Variants in PRKCE observed in about 807,000 individuals in gnomAD.
PRKCE encodes the protein protein kinase C epsilon.
Under a neutral mutation model 85.4 loss-of-function variants are expected in PRKCE, and 16 were observed. That is an observed-to-expected ratio of 0.19 (90% confidence interval 0.13 to 0.28). PRKCE has a LOEUF of 0.28. PRKCE is among the 10% of genes least tolerant of loss of function. The pLI, the probability that PRKCE is intolerant of heterozygous loss-of-function variation, is 1.00. For synonymous variants in PRKCE, 388 were observed against 371.5 expected, an observed-to-expected ratio of 1.04 and a Z score of -0.51; for missense variants, 573 against 975.2, an observed-to-expected ratio of 0.59 and a Z score of 5.49.
chr2:45,940,360 A>G (rs2595193), intron 2 of PRKCE, among the ~76,000 whole-genome samples: 24,754 of 152,190 alleles, frequency 0.16, 2,778 homozygotes, highest in East Asian at 0.57. Flanking sequence ...ATCTGTATTC[A>G]TTTTCTTACC....
intron 11 of PRKCE, among the ~76,000 whole-genome samples, chr2:46,116,962 A>G (rs1347960913): frequency 2.0e-5 from 3 of 152,242 alleles, no homozygotes; most frequent in African/African-American, 7.2e-5. Flanking sequence ...GGAAGCCAGC[A>G]GTCAAGAAAA....
At chr2:45,708,208 C>G (rs1017710240) in intron 1 of PRKCE, among the ~76,000 whole-genome samples, 1 of 152,202 alleles carries the variant, frequency 6.6e-6, no homozygotes, top group South Asian at 2.1e-4. Context: ...GGGCTCCAGT[C>G]CACAATCATC....
chr2:45,973,648 A>G (rs143267195), intron 2 of PRKCE, among the ~76,000 whole-genome samples: 876 of 152,318 alleles, frequency 5.8e-3, no homozygotes, highest in Non-Finnish European at 8.1e-3. Context: ...GCTTCCCTCC[A>G]GGTATCAGGG....
In PRKCE at chr2:45,934,373, G is replaced by T. The variant is rs977652129; in HGVS notation, c.413-42056G>T. Among the ~76,000 whole-genome samples the T allele has an allele frequency of 3.3e-5, 5 of 152,344 alleles. No individual in the cohort carries two copies. In the East Asian group the frequency reaches 9.6e-4, roughly 29 times the overall value. On this transcript the variant is annotated intron_variant, in intron 2 of 14. Coordinates refer to ENST00000306156, the MANE Select transcript of PRKCE (RefSeq NM_005400.3). ...TTCCTATAAAATTACTGTTGGCCAG[G>T]CATGGTCACTCATGCCTGTAATCCC... is the stretch of plus-strand genomic sequence containing the variant.
intron 10 of PRKCE, among the ~76,000 whole-genome samples, chr2:46,082,450 A>G (rs979110737): frequency 6.6e-6 from 1 of 152,174 alleles, no homozygotes; most frequent in African/African-American, 2.4e-5. Context: ...GAACTAGTTC[A>G]TTGGGGTAGA....
At chr2:45,969,438 G>A (rs547840621) in intron 2 of PRKCE, among the ~76,000 whole-genome samples, 9 of 152,300 alleles carry the variant, frequency 5.9e-5, no homozygotes, top group Admixed American at 3.9e-4. Flanking sequence ...GGCTGAGCAC[G>A]GCTGAGTGCA....
rs544622053 is a variant in PRKCE, at chr2:46,151,960, C to T, written c.1920+731C>T. Among the ~76,000 whole-genome samples, 19 of 152,356 alleles carry T rather than the reference C, an allele frequency of 1.2e-4. 1 individual carries two copies. In the Middle Eastern group the frequency reaches 0.02, roughly 164 times the overall value. ...AGGGAAGTTAAGCAAGCAGTCTGCC[C>T]AGGGTCACCCCTCTGAGCTAAGATA... On this transcript the variant is annotated intron_variant, in intron 13 of 14. Coordinates refer to ENST00000306156, the MANE Select transcript of PRKCE (RefSeq NM_005400.3).
intron 2 of PRKCE, among the ~76,000 whole-genome samples, chr2:45,880,964 T>G (rs950869095): frequency 6.6e-6 from 1 of 151,938 alleles, no homozygotes; most frequent in African/African-American, 2.4e-5. Flanking sequence ...CCATCCGGGC[T>G]AAAACGGTGA....
intron 1 of PRKCE, among the ~76,000 whole-genome samples, chr2:45,769,594 A>T (rs1334767921): frequency 6.6e-6 from 1 of 152,160 alleles, no homozygotes; most frequent in Non-Finnish European, 1.5e-5. Context: ...CACTGATATT[A>T]AGTTTGTTTA....
chr2:45,910,237 C>A (rs938233796), intron 2 of PRKCE, among the ~76,000 whole-genome samples: 1 of 152,216 alleles, frequency 6.6e-6, no homozygotes, highest in Non-Finnish European at 1.5e-5. Flanking sequence ...CCTTAAGTGT[C>A]TCTGAAGGCC....
rs568855799 is a variant in PRKCE at position 45,664,410 on chromosome 2, T to C, written c.348+11962T>C. Among the ~76,000 whole-genome samples, 20 of 152,366 alleles carry C rather than the reference T, an allele frequency of 1.3e-4. No homozygotes were observed. The South Asian group carries it at 4.1e-3, about 32-fold the overall frequency. On this transcript the variant is annotated intron_variant, in intron 1 of 14. Transcript: ENST00000306156. ...AGTTTGCGATCAATGGTTAACTACT[T>C]ATTATTGGTAATTATCTGTGATTAA... is the stretch of plus-strand genomic sequence containing the variant.
At chr2:45,768,564 G>C (rs183430781) in intron 1 of PRKCE, among the ~76,000 whole-genome samples, 90 of 152,164 alleles carry the variant, frequency 5.9e-4, no homozygotes, top group African/African-American at 2.1e-3. Context: ...AGTTAGGAGG[G>C]GACAGTGAGG....
At chr2:46,051,647 C>T (rs1335249163) in intron 10 of PRKCE, among the ~76,000 whole-genome samples, 3 of 152,306 alleles carry the variant, frequency 2.0e-5, no homozygotes, top group East Asian at 3.9e-4. Flanking sequence ...TTTCCACTTA[C>T]AGGTATTGTT....
At chr2:46,008,346 G>C (rs959601068) in intron 9 of PRKCE, among the ~76,000 whole-genome samples, 2 of 152,202 alleles carry the variant, frequency 1.3e-5, no homozygotes, top group East Asian at 1.9e-4. Context: ...CCACCATTCC[G>C]ATGGCTGGGT....
At chr2:46,160,274 A>ACCCTCTCCCTTCTCTGCCG (rs1441592211) in intron 14 of PRKCE, among the ~76,000 whole-genome samples, 1 of 152,018 alleles carries the variant, frequency 6.6e-6, no homozygotes, top group Admixed American at 6.5e-5. Context: ...TCTGTGAGAT[A>ACCCTCTCCCTTCTCTGCCG]CCCTCTCCCT....
chr2:45,779,972 A>G (rs946346759), intron 1 of PRKCE, among the ~76,000 whole-genome samples: 1 of 152,126 alleles, frequency 6.6e-6, no homozygotes, highest in Non-Finnish European at 1.5e-5. Flanking sequence ...TTTTCTCCCT[A>G]CCTCACTCCA....
intron 1 of PRKCE, among the ~76,000 whole-genome samples, chr2:45,660,032 A>T (rs1043805088): frequency 6.6e-6 from 1 of 152,222 alleles, no homozygotes; most frequent in South Asian, 2.1e-4. Context: ...TGTTGAATGA[A>T]TGAATAAATT....
chr2:45,974,727 G>C (rs1168620127), intron 2 of PRKCE, among the ~76,000 whole-genome samples: 2 of 152,190 alleles, frequency 1.3e-5, no homozygotes, highest in Non-Finnish European at 2.9e-5. Flanking sequence ...CTTACATTCA[G>C]AGAGGTCCAG....
chr2:46,137,236 G>T (rs1675090492), intron 11 of PRKCE, among the ~76,000 whole-genome samples: 2 of 152,130 alleles, frequency 1.3e-5, no homozygotes, highest in Admixed American at 6.5e-5. Flanking sequence ...GGCAGAGTTG[G>T]GATATAGATT....
Sources: gnomAD v4.1 joint callset for allele counts (sites outside exome capture counted in the v4.1 genomes callset) on GRCh38, gnomAD v4.1.1 for gene constraint, MANE v1.5 for transcripts, NCBI Gene and HGNC (gene_info 2026-07-23, HGNC 2026-07-21) for gene names.